CHRDL1: variants seen among roughly 807,000 people sequenced by gnomAD.
CHRDL1 encodes chordin like 1.
CHRDL1 carries 19 observed loss-of-function variants against 40.9 expected under a neutral mutation model. The observed-to-expected ratio is 0.46, with a 90% CI of 0.32 to 0.68. The LOEUF is 0.68. CHRDL1 is among the 30% of genes least tolerant of loss of function. The probability of loss-of-function intolerance (pLI) is 0.03; values close to 1 mark genes in which losing one functional copy is unlikely to be tolerated. For synonymous variants in CHRDL1, 136 were observed against 123.4 expected (o/e 1.10, Z -0.68); for missense variants, 329 against 352.1 (o/e 0.93, Z 0.53).
chrX:110,699,278 T>C (rs2070463326), intron 7 of CHRDL1, among the ~76,000 whole-genome samples: 1 of 111,550 alleles, frequency 9.0e-6, no homozygotes, highest in Non-Finnish European at 1.9e-5. Flanking sequence ...AGCATGCAAG[T>C]TAGAAGTGGC....
At chrX:110,795,263 T>A (rs1358316495) in intron 1 of CHRDL1, among the ~76,000 whole-genome samples, 1 of 111,267 alleles carries the variant, frequency 9.0e-6, no homozygotes, top group Non-Finnish European at 1.9e-5. Flanking sequence ...GTGTCTCAAA[T>A]TCTGACCCCC....
At chrX:110,767,244 G>A (rs1290901860) in intron 2 of CHRDL1, among the ~76,000 whole-genome samples, 1 of 111,161 alleles carries the variant, frequency 9.0e-6, no homozygotes, top group African/African-American at 3.3e-5. Flanking sequence ...ATACTGAATG[G>A]GGAAAAGTTG....
chrX:110,691,710 T>C (rs1169674824), intron 8 of CHRDL1, among the ~76,000 whole-genome samples: 6 of 111,955 alleles, frequency 5.4e-5, no homozygotes, highest in Admixed American at 1.9e-4. Context: ...AGAATAATGT[T>C]AGCTGCCTTT....
chrX:110,771,605 A>C, intron 2 of CHRDL1, among the ~76,000 whole-genome samples: 1 of 112,468 alleles, frequency 8.9e-6, no homozygotes. Flanking sequence ...CCACAGATGC[A>C]GAAAAATCAT....
rs757639650 is a variant in CHRDL1, at chrX:110,681,511, A to G, written c.1127T>C (p.Val376Ala). Residue 376 changes from valine to alanine, a missense_variant, in exon 10 of 12, where the codon GTA (valine) becomes GCA (alanine). Physicochemically the swap from Val to Ala is moderately conservative, Grantham distance 64 (BLOSUM62 0). Coordinates refer to ENST00000372042, the MANE Select transcript of CHRDL1 (RefSeq NM_001143981.2). ...TCGAATAGTCCAAACGTGGACCTCT[A>G]CCTGAGGTGGTCTCTCAGTCTCCAG... ...IALETERPPQ[V>A]EVHVWTIRKG... The G allele has an allele frequency of 2.5e-6, 3 of 1,207,432 alleles. No individual in the cohort carries two copies. Among genetic ancestry groups the G allele is most frequent in the African/African-American group, 3.5e-5 (2 of 56,977 alleles).
intron 2 of CHRDL1, among the ~76,000 whole-genome samples, chrX:110,782,956 T>G (rs183365507): frequency 8.1e-4 from 91 of 111,750 alleles, no homozygotes; most frequent in African/African-American, 2.8e-3. Context: ...CTCAGCAACA[T>G]GGGATTTGGC....
At chrX:110,766,965 A>G (rs2089672092) in intron 2 of CHRDL1, among the ~76,000 whole-genome samples, 1 of 112,236 alleles carries the variant, frequency 8.9e-6, no homozygotes, top group South Asian at 3.7e-4. Context: ...AACTGAATCC[A>G]ACAACCTATC....
chrX:110,683,150 C>T (rs1264962008), intron 9 of CHRDL1, among the ~76,000 whole-genome samples: 1 of 112,383 alleles, frequency 8.9e-6, no homozygotes, highest in Non-Finnish European at 1.9e-5. Context: ...GAAGAGTCAT[C>T]TTGCACCACT....
At chrX:110,738,517 T>G (rs1043017932) in intron 4 of CHRDL1, among the ~76,000 whole-genome samples, 2 of 108,569 alleles carry the variant, frequency 1.8e-5, no homozygotes, top group Non-Finnish European at 3.8e-5. Flanking sequence ...CTGAGGCGGG[T>G]GGATCACAAG....
chrX:110,708,043 G>A (rs3005576), intron 6 of CHRDL1, among the ~76,000 whole-genome samples: 8,571 of 111,173 alleles, frequency 0.077, 801 homozygotes, highest in African/African-American at 0.27. Context: ...ATATGAAAAA[G>A]AGCTCATCAT....
Position 110,767,169 on chromosome X carries a change from T to C in CHRDL1, c.95-4362A>G, listed in dbSNP as rs138707992. Among the ~76,000 whole-genome samples, 15 of 111,222 alleles carry C rather than the reference T, an allele frequency of 1.3e-4. No homozygotes were observed. The East Asian group carries it at 4.3e-3, about 32-fold the overall frequency. ...TTTATGATTAAAACCCTCAGCAAAA[T>C]CGGCATACAAAGGACATACCTTAAT... is the stretch of plus-strand genomic sequence containing the variant. On this transcript the variant is annotated intron_variant, in intron 2 of 11. Coordinates refer to ENST00000372042, the MANE Select transcript of CHRDL1 (RefSeq NM_001143981.2).
chrX:110,730,607 G>T (rs1285422409), intron 4 of CHRDL1, among the ~76,000 whole-genome samples: 1 of 110,537 alleles, frequency 9.0e-6, no homozygotes, highest in Admixed American at 9.6e-5. Context: ...TTTAGAGTTG[G>T]GGTCTCACTC....
At chrX:110,776,813 T>C (rs958539379) in intron 2 of CHRDL1, among the ~76,000 whole-genome samples, 1 of 110,298 alleles carries the variant, frequency 9.1e-6, no homozygotes, top group Admixed American at 9.7e-5. Flanking sequence ...AGAGGTACAA[T>C]TGTTTCCACT....
intron 2 of CHRDL1, among the ~76,000 whole-genome samples, chrX:110,778,623 A>G (rs1391305547): frequency 8.9e-6 from 1 of 111,740 alleles, no homozygotes; most frequent in East Asian, 2.8e-4. Flanking sequence ...CAAGTTATGG[A>G]GAAAAGGGAA....
intron 3 of CHRDL1, 139 bp downstream of exon 3, chrX:110,762,556 C>T (rs2089584654): frequency 1.4e-5 from 6 of 431,267 alleles, no homozygotes; most frequent in Non-Finnish European, 2.4e-5. Flanking sequence ...GGATTATAGG[C>T]GTGAGACAGT....
rs544497145 is a variant in CHRDL1, at chrX:110,778,133, C to T, written c.94+13955G>A. 4.1e-4 allele frequency among the ~76,000 whole-genome samples: 46 copies of T among 111,199 alleles called. No homozygotes were observed. In the South Asian group the frequency reaches 0.017, roughly 40 times the overall value. ...ATGGGTTAAAGACTTAAATGTAAAA[C>T]CTAAAACTATAAAAACCCTGGAAGA... is the stretch of plus-strand genomic sequence containing the variant. On this transcript the variant is annotated intron_variant, in intron 2 of 11. Transcript: ENST00000372042.
At chrX:110,706,410 A>G (rs2070640348) in intron 6 of CHRDL1, among the ~76,000 whole-genome samples, 1 of 112,206 alleles carries the variant, frequency 8.9e-6, no homozygotes, top group Non-Finnish European at 1.9e-5. Flanking sequence ...CCTAAAAGCC[A>G]CATGTATTGT....
chrX:110,794,419 C>T (rs2090151249), intron 1 of CHRDL1, among the ~76,000 whole-genome samples: 1 of 111,362 alleles, frequency 9.0e-6, no homozygotes, highest in Admixed American at 9.5e-5. Context: ...TTCAGGGGAT[C>T]CAGGACCCAA....
intron 4 of CHRDL1, among the ~76,000 whole-genome samples, chrX:110,738,331 T>A (rs954106088): frequency 1.8e-5 from 2 of 111,643 alleles, no homozygotes; most frequent in African/African-American, 6.5e-5. Context: ...AAAATCTTTT[T>A]CACAAATGCC....
Sources: allele counts gnomAD v4.1 joint callset (sites outside exome capture counted in the v4.1 genomes callset), GRCh38; gene constraint gnomAD v4.1.1; transcripts MANE v1.5; gene names NCBI Gene and HGNC (gene_info 2026-07-23, HGNC 2026-07-21).